The following MME variants were observed in gnomAD, a reference collection of about 807,000 sequenced individuals.
MME encodes neprilysin.
Under a neutral mutation model 113.2 loss-of-function variants are expected in MME, and 98 were observed. The ratio of observed to expected loss-of-function variants is 0.87; its 90% CI spans 0.74 to 1.02. The LOEUF (loss-of-function observed/expected upper bound fraction) is 1.02. Among genes scored for constraint, MME ranks in the 50% least tolerant of loss-of-function variants. The pLI is 0.00. For synonymous variants in MME, 292 were observed against 300.6 expected (o/e 0.97, Z 0.30); for missense variants, 836 against 896.0 (o/e 0.93, Z 0.86).
At chr3:155,133,703 T>A (rs1193125638) in intron 8 of MME, among the ~76,000 whole-genome samples, 1 of 144,230 alleles carries the variant, frequency 6.9e-6, no homozygotes, top group Non-Finnish European at 1.5e-5. Context: ...ACATATATAG[T>A]GTGTGTATAT....
intron 1 of MME, among the ~76,000 whole-genome samples, chr3:155,048,690 C>T (rs904100376): frequency 2.0e-5 from 3 of 152,062 alleles, no homozygotes; most frequent in Admixed American, 2.0e-4. Flanking sequence ...TGATGATGAA[C>T]ATTCTTCATC....
At chr3:155,114,492 C>A (rs1559926318) in intron 3 of MME, among the ~76,000 whole-genome samples, 1 of 152,106 alleles carries the variant, frequency 6.6e-6, no homozygotes, top group Non-Finnish European at 1.5e-5. Context: ...TGAGCAAGGT[C>A]CAGGAAGTAA....
chr3:155,075,637 A>G (rs1457170030), upstream of MME, among the ~76,000 whole-genome samples: 22 of 152,256 alleles, frequency 1.4e-4, no homozygotes, highest in Non-Finnish European at 5.9e-5. Context: ...ATAAAGTCTA[A>G]AGTATATAAT....
intron 1 of MME, among the ~76,000 whole-genome samples, chr3:155,061,519 GA>G (rs1714146571): frequency 6.6e-6 from 1 of 151,184 alleles, no homozygotes; most frequent in Non-Finnish European, 1.5e-5. Context: ...GGAAGTGACA[GA>G]GGGGAAAGCT....
intron 1 of MME, among the ~76,000 whole-genome samples, chr3:155,053,973 G>T (rs115837340): frequency 1.3e-5 from 2 of 152,078 alleles, no homozygotes; most frequent in African/African-American, 4.8e-5. Flanking sequence ...TCTCCCTATG[G>T]AAATGAAAAT....
intron 3 of MME, among the ~76,000 whole-genome samples, chr3:155,111,263 C>A (rs73168197): frequency 6.6e-6 from 1 of 152,286 alleles, no homozygotes; most frequent in Non-Finnish European, 1.5e-5. Context: ...GAAGGTTGAT[C>A]AAAGACCCAG....
intron 1 of MME, among the ~76,000 whole-genome samples, chr3:155,029,634 T>G (rs771164626): frequency 3.3e-5 from 5 of 152,000 alleles, no homozygotes. Context: ...AGAAACAGTG[T>G]AACCCTGTCT....
chr3:155,144,379 G>A lies in MME; in HGVS notation c.1338G>A (p.Gln446=). 2 of 1,612,206 alleles carry A rather than the reference G, an allele frequency of 1.2e-6. No individual in the cohort carries two copies. The highest frequency in any genetic ancestry group is 1.7e-6 in the Non-Finnish European group (2 of 1,178,540). ...TTGAGGTCGAGGATTTGATTGCACA[G>A]ATCCGAGAAGTTTTTATTCAGACTT... The part of the protein sequence containing the change: ...SKHVVEDLIA[Q]IREVFIQTLD... The change falls in exon 14 of 23, where the codon CAG becomes CAA. Residue 446 remains glutamine (Q), a synonymous_variant. Coordinates refer to ENST00000360490, the MANE Select transcript of MME (RefSeq NM_007289.4).
chr3:155,060,171 T>C (rs894251818), intron 1 of MME, among the ~76,000 whole-genome samples: 2 of 152,080 alleles, frequency 1.3e-5, no homozygotes, highest in Non-Finnish European at 2.9e-5. Context: ...TGCTGAGAGG[T>C]TGCAGCAAAA....
intron 1 of MME, among the ~76,000 whole-genome samples, chr3:155,052,692 A>G (rs1197896509): frequency 1.3e-5 from 2 of 152,186 alleles, no homozygotes; most frequent in Non-Finnish European, 2.9e-5. Flanking sequence ...CCTGTGATAG[A>G]AGGGGCTGTC....
In MME at chr3:155,180,550, G is replaced by C; in HGVS notation, c.*91G>C. The C allele has an allele frequency of 1.1e-6, 1 of 910,636 alleles. No homozygotes were observed. The highest frequency in any genetic ancestry group is 1.3e-5 in the South Asian group (1 of 76,284). 56.4% of individuals were successfully genotyped at this position (910,636 alleles called of 1,614,324 possible). A position where few individuals can be genotyped will look rare whatever the true frequency, so the allele number is the denominator to read the frequency against. ...AATCGAAAGAAAATGGGCCCTAGGG[G>C]TCACTGTACTGACTTGAGGGTGATT... On this transcript the variant is annotated 3_prime_UTR_variant, in exon 23 of 23. Coordinates refer to ENST00000360490, the MANE Select transcript of MME (RefSeq NM_007289.4).
chr3:155,122,254 G>A (rs894908278), intron 8 of MME, among the ~76,000 whole-genome samples: 182 of 152,038 alleles, frequency 1.2e-3, no homozygotes, highest in Middle Eastern at 6.9e-3. Flanking sequence ...CTGTAGGATC[G>A]GTGGTGATAT....
At chr3:155,140,045 T>G in intron 9 of MME, 146 bp from the exon 10 acceptor site, 1 of 502,330 alleles carries the variant, frequency 2.0e-6, no homozygotes, top group Non-Finnish European at 3.5e-6. Flanking sequence ...TCACTTTTTT[T>G]GAAATGACAA....
intron 2 of MME, 37 bp from the exon 3 acceptor site, chr3:155,085,022 G>T: frequency 1.4e-6 from 2 of 1,439,434 alleles, no homozygotes; most frequent in Non-Finnish European, 9.6e-7. Context: ...AAAAATTTGT[G>T]TTGCCAATAT....
intron 1 of MME, among the ~76,000 whole-genome samples, chr3:155,063,038 A>G (rs1714204987): frequency 7.0e-6 from 1 of 141,968 alleles, no homozygotes; most frequent in Non-Finnish European, 1.5e-5. Context: ...ATCTCAAAAA[A>G]AAAAAAAAAA....
At chr3:155,043,839 C>T (rs1188740215) in intron 1 of MME, among the ~76,000 whole-genome samples, 1 of 151,914 alleles carries the variant, frequency 6.6e-6, no homozygotes, top group Admixed American at 6.6e-5. Flanking sequence ...TCAAAATTGT[C>T]CTTGCTATAC....
chr3:155,093,575 AG>A (rs1716474020), intron 3 of MME, among the ~76,000 whole-genome samples: 1 of 152,190 alleles, frequency 6.6e-6, no homozygotes, highest in South Asian at 2.1e-4. Flanking sequence ...GTCAAGAGCC[AG>A]GACGGGCGTT....
intron 8 of MME, among the ~76,000 whole-genome samples, chr3:155,124,637 A>C (rs2108274577): frequency 6.6e-6 from 1 of 151,880 alleles, no homozygotes; most frequent in East Asian, 2.0e-4. Context: ...TCCTTCTAAC[A>C]GACAGGACCC....
At chr3:155,130,336 G>T (rs1277666123) in intron 8 of MME, among the ~76,000 whole-genome samples, 1 of 152,124 alleles carries the variant, frequency 6.6e-6, no homozygotes, top group Non-Finnish European at 1.5e-5. Flanking sequence ...ATTTCTTTGA[G>T]TAGAGCATTT....
Sources: gnomAD v4.1 joint callset for allele counts (sites outside exome capture counted in the v4.1 genomes callset) on GRCh38, gnomAD v4.1.1 for gene constraint, MANE v1.5 for transcripts, NCBI Gene and HGNC (gene_info 2026-07-23, HGNC 2026-07-21) for gene names.